Variants in FAM117B observed in about 807,000 individuals in gnomAD.
The protein encoded by FAM117B is protein FAM117B.
A neutral mutation model predicts 52.8 loss-of-function variants in FAM117B; 22 were observed. That is an observed-to-expected ratio of 0.42 (90% CI 0.30 to 0.59). The LOEUF is 0.59. Ranked by LOEUF, FAM117B falls within the 20% of genes least tolerant of loss-of-function variation. The pLI, the probability that FAM117B is intolerant of heterozygous loss-of-function variation, is 0.22. For synonymous variants in FAM117B, 309 were observed against 324.1 expected (o/e 0.95, Z 0.50); for missense variants, 678 against 802.6 (o/e 0.84, Z 1.88).
rs1230643806 is a variant in FAM117B at position 202,744,574 on chromosome 2, A to G, written c.961-10964A>G. On this transcript the variant is annotated intron_variant, in intron 4 of 7. Coordinates refer to ENST00000392238, the MANE Select transcript of FAM117B (RefSeq NM_173511.4). ...CAGACTAATAGTAAGTTTTTCAGCC[A>G]AAACTTTACAGGCCAGGAGAGAATG... 4.6e-5 allele frequency among the ~76,000 whole-genome samples: 7 copies of G among 152,310 alleles called. No individual in the cohort carries two copies. In the East Asian group the frequency reaches 7.7e-4, roughly 17 times the overall value.
chr2:202,655,707 T>TGAGAGAGAGAGAGAGA (rs60423652), intron 1 of FAM117B, among the ~76,000 whole-genome samples: 2 of 98,836 alleles, frequency 2.0e-5, no homozygotes, highest in African/African-American at 6.9e-5. Context: ...GGGAAGAGAG[T>TGAGAGAGAGAGAGAGA]GAGAGAGAGA....
chr2:202,698,952 T>G (rs886268934), intron 2 of FAM117B, among the ~76,000 whole-genome samples: 2 of 152,246 alleles, frequency 1.3e-5, no homozygotes, highest in African/African-American at 2.4e-5. Flanking sequence ...AGACATTTTG[T>G]CATATTAGTA....
chr2:202,747,706 G>A (rs796423563), intron 4 of FAM117B, among the ~76,000 whole-genome samples: 22 of 151,858 alleles, frequency 1.4e-4, no homozygotes, highest in African/African-American at 5.3e-4. Context: ...GGTTACAATA[G>A]CTAAAAAAGA....
At chr2:202,720,836 G>T (rs1037208854) in intron 2 of FAM117B, among the ~76,000 whole-genome samples, 1 of 152,026 alleles carries the variant, frequency 6.6e-6, no homozygotes, top group African/African-American at 2.4e-5. Context: ...GCGAGTTTTG[G>T]CACCGCACAA....
At chr2:202,681,491 A>T (rs1050900465) in intron 1 of FAM117B, among the ~76,000 whole-genome samples, 3 of 152,238 alleles carry the variant, frequency 2.0e-5, no homozygotes, top group Non-Finnish European at 4.4e-5. Context: ...GAAAGCTAAT[A>T]TAGTGATTAC....
chr2:202,667,698 A>G (rs868072873), intron 1 of FAM117B, among the ~76,000 whole-genome samples: 5 of 152,074 alleles, frequency 3.3e-5, no homozygotes, highest in Admixed American at 1.3e-4. Flanking sequence ...TCTAAACTAA[A>G]CTAGATAACC....
intron 1 of FAM117B, among the ~76,000 whole-genome samples, chr2:202,655,736 G>C (rs866530835): frequency 2.4e-4 from 36 of 149,170 alleles, no homozygotes; most frequent in East Asian, 1.8e-3. Flanking sequence ...GAGAGAGAGA[G>C]AGAGAGAGAG....
At chr2:202,699,445 A>AAG (rs1559104946) in intron 2 of FAM117B, among the ~76,000 whole-genome samples, 2 of 129,852 alleles carry the variant, frequency 1.5e-5, no homozygotes, top group African/African-American at 6.2e-5. Flanking sequence ...AAAAAAAAAA[A>AAG]AAAGAAAAAA....
chr2:202,693,489 G>A (rs1690664704), intron 1 of FAM117B, among the ~76,000 whole-genome samples: 1 of 152,100 alleles, frequency 6.6e-6, no homozygotes, highest in Non-Finnish European at 1.5e-5. Context: ...CCAGCTACTT[G>A]GAAGGCTGAG....
chr2:202,649,223 A>G (rs1317857265), intron 1 of FAM117B, among the ~76,000 whole-genome samples: 1 of 152,080 alleles, frequency 6.6e-6, no homozygotes, highest in Non-Finnish European at 1.5e-5. Context: ...TATTTTTTGG[A>G]GTCCTTGCCC....
chr2:202,659,793 T>C (rs2105760727), intron 1 of FAM117B, among the ~76,000 whole-genome samples: 1 of 151,434 alleles, frequency 6.6e-6, no homozygotes, highest in East Asian at 2.0e-4. Context: ...TATTTTTATT[T>C]CATTTTTAGT....
intron 1 of FAM117B, among the ~76,000 whole-genome samples, chr2:202,670,699 C>T (rs1690285272): frequency 6.6e-6 from 1 of 152,190 alleles, no homozygotes; most frequent in Non-Finnish European, 1.5e-5. Flanking sequence ...TCTTCTCCAC[C>T]AACTCCAGCT....
intron 2 of FAM117B, among the ~76,000 whole-genome samples, chr2:202,710,111 C>A (rs573485555): frequency 2.6e-5 from 4 of 152,096 alleles, no homozygotes; most frequent in African/African-American, 9.7e-5. Context: ...TATTCGTGGT[C>A]TTTTGTAGTT....
At chr2:202,711,916 A>T (rs1217806265) in intron 2 of FAM117B, among the ~76,000 whole-genome samples, 1 of 152,106 alleles carries the variant, frequency 6.6e-6, no homozygotes, top group Non-Finnish European at 1.5e-5. Context: ...GTCTGTTTGT[A>T]TGCCAATACC....
At chr2:202,763,070 C>CTTTTTT (rs11292183) in intron 7 of FAM117B, among the ~76,000 whole-genome samples, 1 of 106,978 alleles carries the variant, frequency 9.3e-6, no homozygotes, top group Non-Finnish European at 1.8e-5. Flanking sequence ...AGTCTTAAGT[C>CTTTTTT]TTTTTTTTTT....
intron 1 of FAM117B, among the ~76,000 whole-genome samples, chr2:202,648,425 G>C (rs1689902419): frequency 6.6e-6 from 1 of 151,896 alleles, no homozygotes; most frequent in Non-Finnish European, 1.5e-5. Context: ...GCTGAGGCAG[G>C]AGAATTGCTT....
intron 1 of FAM117B, among the ~76,000 whole-genome samples, chr2:202,647,453 C>G (rs1019707200): frequency 6.6e-6 from 1 of 152,114 alleles, no homozygotes; most frequent in East Asian, 1.9e-4. Flanking sequence ...TGTACAAATA[C>G]TCAGTTCTGG....
intron 2 of FAM117B, among the ~76,000 whole-genome samples, chr2:202,722,671 G>C (rs1447537991): frequency 6.6e-6 from 1 of 152,096 alleles, no homozygotes; most frequent in African/African-American, 2.4e-5. Flanking sequence ...GGGCCTTCTA[G>C]AGGGTGGAGG....
At chr2:202,725,111 T>C in intron 3 of FAM117B, 102 bp downstream of exon 3, 2 of 771,716 alleles carry the variant, frequency 2.6e-6, no homozygotes, top group Non-Finnish European at 4.1e-6. Flanking sequence ...TTTCCATTGA[T>C]TTCTTTTTTC....
Sources: allele counts gnomAD v4.1 joint callset (sites outside exome capture counted in the v4.1 genomes callset), GRCh38; gene constraint gnomAD v4.1.1; transcripts MANE v1.5; gene names NCBI Gene and HGNC (gene_info 2026-07-23, HGNC 2026-07-21).